Variants in EIF2B3 observed in about 807,000 individuals in gnomAD.
EIF2B3 encodes eukaryotic translation initiation factor 2B subunit gamma.
EIF2B3 carries 20 observed loss-of-function variants against 54.1 expected under a neutral mutation model. That is an observed-to-expected ratio of 0.37 (90% CI 0.26 to 0.54). The LOEUF is 0.54. Among genes scored for constraint, EIF2B3 ranks in the 20% least tolerant of loss-of-function variants. The pLI, the probability that EIF2B3 is intolerant of heterozygous loss-of-function variation, is 0.86. For synonymous variants in EIF2B3, 153 were observed against 188.1 expected, an observed-to-expected ratio of 0.81 and a Z score of 1.52; for missense variants, 448 against 547.8, an observed-to-expected ratio of 0.82 and a Z score of 1.82.
intron 10 of EIF2B3, among the ~76,000 whole-genome samples, chr1:44,861,784 T>A (rs1654615436): frequency 6.6e-6 from 1 of 152,172 alleles, no homozygotes; most frequent in Admixed American, 6.5e-5. Flanking sequence ...CTGAGGCTCC[T>A]GGTAAGTGGA....
chr1:44,962,338 C>T (rs1267592914), intron 3 of EIF2B3, among the ~76,000 whole-genome samples: 2 of 152,100 alleles, frequency 1.3e-5, no homozygotes, highest in African/African-American at 4.8e-5. Flanking sequence ...AAAGTGAACA[C>T]CAAGCAGCCA....
intron 6 of EIF2B3, among the ~76,000 whole-genome samples, chr1:44,882,642 T>C (rs532408919): frequency 3.6e-4 from 53 of 146,910 alleles, no homozygotes; most frequent in Admixed American, 1.3e-3. Context: ...TTTGAGACAG[T>C]CTTGCTCTAT....
At chr1:44,896,260 T>C (rs1655966776) in intron 6 of EIF2B3, among the ~76,000 whole-genome samples, 1 of 152,204 alleles carries the variant, frequency 6.6e-6, no homozygotes, top group Admixed American at 6.5e-5. Flanking sequence ...ACTGTGTCCT[T>C]GGTAGGGGAA....
intron 3 of EIF2B3, among the ~76,000 whole-genome samples, chr1:44,953,572 T>G (rs191298785): frequency 5.1e-4 from 77 of 151,740 alleles, no homozygotes; most frequent in Non-Finnish European, 1.3e-4. Flanking sequence ...AGCCCAGGAG[T>G]TCGAGATCAG....
intron 4 of EIF2B3, among the ~76,000 whole-genome samples, chr1:44,933,434 C>G (rs114349995): frequency 0.011 from 1,620 of 152,062 alleles, 33 homozygotes; most frequent in African/African-American, 0.037. Context: ...ACAGATAATT[C>G]TTAAAGCTAA....
In EIF2B3 at chr1:44,901,550, C is replaced by CT. The variant is rs36059931; in HGVS notation, c.567-4107dup. ...ACAGGCATGAGCCACTGGGCCTGGC[C>CT]TTTTTTTTTTTTTTTTTTTTTTTCT... is the stretch of plus-strand genomic sequence containing the variant. On this transcript the variant is annotated intron_variant, in intron 5 of 11. Coordinates refer to ENST00000360403, the MANE Select transcript of EIF2B3 (RefSeq NM_020365.5). 5.5e-3 allele frequency among the ~76,000 whole-genome samples: 610 copies of CT among 111,548 alleles called. 2 individuals are homozygous for CT. Among genetic ancestry groups the CT allele is most frequent in the Non-Finnish European group, 7.0e-3 (404 of 57,488 alleles). 73.2% of individuals were successfully genotyped at this position (111,548 alleles called of 152,430 possible). A position where few individuals can be genotyped will look rare whatever the true frequency, so the allele number is the denominator to read the frequency against.
chr1:44,909,504 C>A (rs1180904587), intron 5 of EIF2B3, among the ~76,000 whole-genome samples: 2 of 151,996 alleles, frequency 1.3e-5, no homozygotes, highest in Non-Finnish European at 2.9e-5. Flanking sequence ...ATCTCAGGAG[C>A]CCTGAAATGA....
At chr1:44,909,975 A>G (rs1361001896) in intron 5 of EIF2B3, among the ~76,000 whole-genome samples, 1 of 152,216 alleles carries the variant, frequency 6.6e-6, no homozygotes, top group Non-Finnish European at 1.5e-5. Context: ...CCAGATATAG[A>G]TGTCTAAACC....
intron 10 of EIF2B3, among the ~76,000 whole-genome samples, chr1:44,863,590 TATAAAG>T (rs1204888317): frequency 6.6e-6 from 1 of 152,118 alleles, no homozygotes; most frequent in East Asian, 1.9e-4. Flanking sequence ...TAGAGAATAA[TATAAAG>T]AACGCCTGTG....
At chr1:44,888,072 T>C (rs375858800) in intron 6 of EIF2B3, among the ~76,000 whole-genome samples, 4 of 152,126 alleles carry the variant, frequency 2.6e-5, no homozygotes, top group South Asian at 4.1e-4. Flanking sequence ...AAGGATGGGA[T>C]TGGGTGAGAG....
At chr1:44,965,136 C>T (rs149717206) in intron 3 of EIF2B3, among the ~76,000 whole-genome samples, 367 of 152,274 alleles carry the variant, frequency 2.4e-3, no homozygotes, top group Non-Finnish European at 3.6e-3. Context: ...TCCTATAAGC[C>T]TGGAATTCCC....
At position 44,939,100 on chromosome 1, in the gene EIF2B3, TCA is replaced by T. The variant is rs1491195643; in HGVS notation, c.454+2404_454+2405del. The stretch of plus-strand genomic sequence containing the variant: ...CTCGGCAACAGAGTAAGACCCTGTC[TCA>T]AAAAAAAAAAAAAAAAAAAAAAAAG... On this transcript the variant is annotated intron_variant, in intron 4 of 11. Coordinates refer to ENST00000360403, the MANE Select transcript of EIF2B3 (RefSeq NM_020365.5). Among the ~76,000 whole-genome samples the T allele has an allele frequency of 1.7e-3, 93 of 53,706 alleles. No homozygotes were observed. The East Asian group carries it at 0.043, about 25-fold the overall frequency. The allele number at this position is 53,706 out of a possible 152,430, so 35.2% of individuals were successfully genotyped here. A position where few individuals can be genotyped will look rare whatever the true frequency, so the allele number is the denominator to read the frequency against.
intron 8 of EIF2B3, among the ~76,000 whole-genome samples, chr1:44,878,865 C>T (rs1463358290): frequency 1.3e-5 from 2 of 151,384 alleles, no homozygotes; most frequent in Non-Finnish European, 2.9e-5. Flanking sequence ...CTCAGGTGAT[C>T]CTCCCACCTC....
intron 7 of EIF2B3, among the ~76,000 whole-genome samples, chr1:44,880,975 A>T (rs1655380898): frequency 6.6e-6 from 1 of 152,178 alleles, no homozygotes; most frequent in African/African-American, 2.4e-5. Context: ...AAATAAAAAA[A>T]AAAAAAGACA....
At chr1:44,908,342 G>A (rs1477322145) in intron 5 of EIF2B3, among the ~76,000 whole-genome samples, 1 of 152,156 alleles carries the variant, frequency 6.6e-6, no homozygotes, top group Non-Finnish European at 1.5e-5. Context: ...ATATAGGGGA[G>A]CACAAAGGAA....
At position 44,871,579 on chromosome 1, in the gene EIF2B3, T is replaced by C. The variant is rs371783549; in HGVS notation, c.1202+3099A>G. Reference sequence around the variant, plus strand: ...TGGTGAATTGTTTGTCATTCTTTCATATAACAAATATTTATTGAGTTCCTG... The same window carrying C: ...TGGTGAATTGTTTGTCATTCTTTCACATAACAAATATTTATTGAGTTCCTG... On this transcript the variant is annotated intron_variant, in intron 10 of 11. Coordinates refer to ENST00000360403, the MANE Select transcript of EIF2B3 (RefSeq NM_020365.5). Among the ~76,000 whole-genome samples, 5 of 152,234 alleles carry C rather than the reference T, an allele frequency of 3.3e-5. No homozygotes were observed. In the East Asian group the frequency reaches 7.7e-4, roughly 23 times the overall value.
At chr1:44,921,885 C>CAT (rs200045316) in intron 5 of EIF2B3, among the ~76,000 whole-genome samples, 3 of 136,114 alleles carry the variant, frequency 2.2e-5, no homozygotes, top group Non-Finnish European at 4.6e-5. Flanking sequence ...TCTGTAATTC[C>CAT]ATATATATAT....
intron 5 of EIF2B3, among the ~76,000 whole-genome samples, chr1:44,906,254 C>G (rs930066931): frequency 3.3e-5 from 5 of 152,128 alleles, no homozygotes; most frequent in African/African-American, 1.2e-4. Context: ...CAGCCTTGAC[C>G]AGAATTATCC....
intron 11 of EIF2B3, among the ~76,000 whole-genome samples, chr1:44,853,030 T>C (rs994820442): frequency 6.6e-6 from 1 of 152,034 alleles, no homozygotes; most frequent in African/African-American, 2.4e-5. Context: ...GTTTAAGTTG[T>C]CCAAGATGTT....
Sources: allele counts gnomAD v4.1 joint callset (sites outside exome capture counted in the v4.1 genomes callset), GRCh38; gene constraint gnomAD v4.1.1; transcripts MANE v1.5; gene names NCBI Gene and HGNC (gene_info 2026-07-23, HGNC 2026-07-21).